Variants in SEC11A observed in about 807,000 individuals in gnomAD.
SEC11A encodes SEC11 homolog A, signal peptidase complex subunit.
SEC11A carries 14 observed loss-of-function variants against 25.6 expected under a neutral mutation model. The observed-to-expected ratio is 0.55, with a 90% confidence interval of 0.36 to 0.85. SEC11A has a LOEUF of 0.85. Among genes scored for constraint, SEC11A ranks in the 40% least tolerant of loss-of-function variants. The pLI, the probability that SEC11A is intolerant of heterozygous loss-of-function variation, is 0.01. For missense variants in SEC11A, 153 were observed against 222.9 expected, an observed-to-expected ratio of 0.69 and a Z score of 2.00; for synonymous variants, 83 against 76.4, an observed-to-expected ratio of 1.09 and a Z score of -0.45.
In SEC11A at chr15:84,686,666, T is replaced by G. The variant is rs1158524068; in HGVS notation, c.311+959A>C. On this transcript the variant is annotated intron_variant, in intron 3 of 5. Transcript: ENST00000268220. ...CCTACTCTTTCACTTCTCGTCTGTG[T>G]GTCATACAGGATGCCTCCCTTTTCT... 5 of 152,256 alleles carry G rather than the reference T, an allele frequency of 3.3e-5. No individual in the cohort carries two copies. The East Asian group carries it at 9.6e-4, about 29-fold the overall frequency. The allele number at this position is 152,256 out of a possible 1,614,324, so 9.4% of individuals were successfully genotyped here.
chr15:84,712,836 G>C (rs4842992), intron 1 of SEC11A, among the ~76,000 whole-genome samples: 3 of 152,146 alleles, frequency 2.0e-5, no homozygotes, highest in Non-Finnish European at 1.5e-5. Flanking sequence ...AAGCACATTA[G>C]AGGTGGGACA....
chr15:84,711,326 G>A (rs2141928502), intron 1 of SEC11A, among the ~76,000 whole-genome samples: 1 of 151,890 alleles, frequency 6.6e-6, no homozygotes, highest in East Asian at 1.9e-4. Context: ...AGGTTGCAGG[G>A]AGCCAAGATC....
chr15:84,689,029 CAAAA>C (rs71453259), intron 2 of SEC11A, among the ~76,000 whole-genome samples: 3 of 95,122 alleles, frequency 3.2e-5, no homozygotes, highest in Non-Finnish European at 4.2e-5. Flanking sequence ...GACTCTGTCT[CAAAA>C]AAAAAAAAAA....
At chr15:84,670,301 C>A (rs1048218311) in intron 5 of SEC11A, 4 of 359,314 alleles carry the variant, frequency 1.1e-5, no homozygotes, top group Non-Finnish European at 2.0e-5. Context: ...GTCACCCAGG[C>A]TGGAGTGCAG....
At chr15:84,708,663 C>G (rs1017020877) in intron 1 of SEC11A, among the ~76,000 whole-genome samples, 2 of 152,058 alleles carry the variant, frequency 1.3e-5, no homozygotes, top group African/African-American at 2.4e-5. Context: ...TGGTGTACAC[C>G]TGTAGTCCCA....
chr15:84,694,998 G>C (rs1354287734), intron 1 of SEC11A, among the ~76,000 whole-genome samples: 1 of 149,296 alleles, frequency 6.7e-6, no homozygotes, highest in Non-Finnish European at 1.5e-5. Context: ...GCTGAGGCAG[G>C]AGAATTGCTT....
chr15:84,679,106 G>C (rs189305545), intron 4 of SEC11A: 1 of 292,200 alleles, frequency 3.4e-6, no homozygotes, highest in Admixed American at 4.0e-5. Context: ...AGAAAAAGGA[G>C]ACAAGAAGTG....
At chr15:84,680,662 G>C in intron 4 of SEC11A, 51 bp downstream of exon 4, 1 of 1,504,444 alleles carries the variant, frequency 6.6e-7, no homozygotes, top group Non-Finnish European at 9.0e-7. Context: ...GATTGAGAGG[G>C]CCACACTTCA....
chr15:84,691,883 C>T (rs997242819), intron 1 of SEC11A: 1 of 323,628 alleles, frequency 3.1e-6, no homozygotes, highest in Non-Finnish European at 5.6e-6. Context: ...TTATATAACA[C>T]CATATTATTT....
At chr15:84,670,263 T>C in intron 5 of SEC11A, 194 bp from the exon 6 acceptor site, 2 of 442,364 alleles carry the variant, frequency 4.5e-6, no homozygotes, top group South Asian at 6.4e-5. Context: ...ATTTTCTTTT[T>C]TTTTTTTTTT....
chr15:84,680,082 T>C, intron 4 of SEC11A: 1 of 645,236 alleles, frequency 1.5e-6, no homozygotes, highest in Non-Finnish European at 2.6e-6. Context: ...GATGAACACT[T>C]TTGAGTTATT....
chr15:84,670,364 G>A (rs751478715), intron 5 of SEC11A: 1 of 292,042 alleles, frequency 3.4e-6, no homozygotes, highest in Non-Finnish European at 6.4e-6. Context: ...AGCCTCCCCA[G>A]TAGCTGGGAT....
chr15:84,701,471 G>T (rs1462122534), intron 1 of SEC11A, among the ~76,000 whole-genome samples: 1 of 151,546 alleles, frequency 6.6e-6, no homozygotes, highest in East Asian at 1.9e-4. Flanking sequence ...AGGCATAATA[G>T]ATACTTATAT....
At chr15:84,694,060 A>G (rs1026171121) in intron 1 of SEC11A, among the ~76,000 whole-genome samples, 1 of 152,138 alleles carries the variant, frequency 6.6e-6, no homozygotes, top group Admixed American at 6.6e-5. Context: ...AAATGCATAG[A>G]AAATATGGAA....
chr15:84,698,458 G>C (rs977967887), intron 1 of SEC11A, among the ~76,000 whole-genome samples: 1 of 152,152 alleles, frequency 6.6e-6, no homozygotes, highest in Non-Finnish European at 1.5e-5. Context: ...TCAGAAGCTA[G>C]ATATTACAGA....
intron 1 of SEC11A, among the ~76,000 whole-genome samples, chr15:84,706,195 C>T (rs535029308): frequency 4.2e-4 from 64 of 152,234 alleles, no homozygotes; most frequent in Non-Finnish European, 6.2e-4. Flanking sequence ...GCATGAGCCA[C>T]CATACCTGGC....
intron 1 of SEC11A, among the ~76,000 whole-genome samples, chr15:84,712,740 C>T (rs1391717041): frequency 6.6e-6 from 1 of 152,056 alleles, no homozygotes; most frequent in Non-Finnish European, 1.5e-5. Flanking sequence ...GCCACTGCGT[C>T]CAGCCTAAAA....
intron 2 of SEC11A, among the ~76,000 whole-genome samples, chr15:84,688,463 C>G (rs111916698): frequency 6.6e-6 from 1 of 152,210 alleles, no homozygotes; most frequent in African/African-American, 2.4e-5. Context: ...TTCCATCCTA[C>G]GCCAAGTGCT....
At chr15:84,680,485 C>A (rs574062694) in intron 4 of SEC11A, among the ~76,000 whole-genome samples, 1 of 152,114 alleles carries the variant, frequency 6.6e-6, no homozygotes, top group Non-Finnish European at 1.5e-5. Context: ...CATCTCATCA[C>A]TAGTATTCTA....
Sources: allele counts gnomAD v4.1 joint callset (sites outside exome capture counted in the v4.1 genomes callset), GRCh38; gene constraint gnomAD v4.1.1; transcripts MANE v1.5; gene names NCBI Gene and HGNC (gene_info 2026-07-23, HGNC 2026-07-21).